RPN1: variants seen among roughly 807,000 people sequenced by gnomAD.
RPN1 encodes the protein dolichyl-diphosphooligosaccharide--protein glycosyltransferase subunit 1.
A neutral mutation model predicts 55.5 loss-of-function variants in RPN1; 12 were observed. The ratio of observed to expected loss-of-function variants is 0.22; its 90% CI spans 0.14 to 0.35. RPN1 has a LOEUF of 0.35. Among genes scored for constraint, RPN1 ranks in the 10% least tolerant of loss-of-function variants. The pLI is 1.00. For synonymous variants in RPN1, 317 were observed against 305.9 expected (o/e 1.04, Z -0.38); for missense variants, 679 against 761.3 (o/e 0.89, Z 1.27).
intron 4 of RPN1, among the ~76,000 whole-genome samples, chr3:128,630,604 A>C (rs1460029224): frequency 6.6e-6 from 1 of 152,196 alleles, no homozygotes; most frequent in Non-Finnish European, 1.5e-5. Context: ...CTTTGTTCAC[A>C]TACTGACCCC....
chr3:128,633,189 T>G lies in RPN1; in HGVS notation c.634-1032A>C, dbSNP rs568682974. The stretch of plus-strand genomic sequence containing the variant: ...AAATTGATTAAATCTTTTGAAAAAC[T>G]ACTTGGCAAAATACAGCAAGAGGTT... On this transcript the variant is annotated intron_variant, in intron 3 of 9. Coordinates refer to ENST00000296255, the MANE Select transcript of RPN1 (RefSeq NM_002950.4). Among the ~76,000 whole-genome samples, 338 of 152,144 alleles carry G rather than the reference T, an allele frequency of 2.2e-3. 3 individuals are homozygous for G. The highest frequency in any genetic ancestry group is 7.9e-3 in the African/African-American group (329 of 41,522).
At chr3:128,629,682 CTATT>C (rs1278881121) in intron 5 of RPN1, among the ~76,000 whole-genome samples, 9 of 152,090 alleles carry the variant, frequency 5.9e-5, no homozygotes, top group South Asian at 2.1e-4. Context: ...AACTCAAAAA[CTATT>C]TAAAGGAATT....
At position 128,625,542 on chromosome 3, in the gene RPN1, T is replaced by G; in HGVS notation, c.1387A>C (p.Ile463Leu). Residue 463 changes from isoleucine (I) to leucine (L), a missense_variant, in exon 8 of 10, where the codon ATC becomes CTC. By Grantham distance (5) the Ile-to-Leu change is conservative. Transcript: ENST00000296255. ...VIIYVRLDFSITKDPAAEARM... is the reference protein window; with the variant it reads ...VIIYVRLDFSLTKDPAAEARM... ...GAAGGCAGAGACGGTACCTTGGTGA[T>G]GGAGAAGTCCAGCCGAACATAGATG... 1 of 1,614,036 alleles carries G rather than the reference T, an allele frequency of 6.2e-7. No individual in the cohort carries two copies. The highest frequency in any genetic ancestry group is 8.5e-7 in the Non-Finnish European group (1 of 1,180,020).
chr3:128,622,896 CAAAA>C (rs781683983), intron 8 of RPN1, among the ~76,000 whole-genome samples: 3 of 98,048 alleles, frequency 3.1e-5, no homozygotes, highest in Non-Finnish European at 4.3e-5. Context: ...AACTCCATCT[CAAAA>C]AAAAAAAAAA....
chr3:128,635,763 C>T (rs147484620), intron 3 of RPN1, among the ~76,000 whole-genome samples: 1,896 of 147,718 alleles, frequency 0.013, 26 homozygotes, highest in Middle Eastern at 0.022. Context: ...TATATATATA[C>T]GTGTGTGTAT....
At chr3:128,629,672 A>G (rs1239491628) in intron 5 of RPN1, among the ~76,000 whole-genome samples, 1 of 152,196 alleles carries the variant, frequency 6.6e-6, no homozygotes, top group African/African-American at 2.4e-5. Context: ...TTTTTTAAAT[A>G]ACTCAAAAAC....
At chr3:128,648,694 T>C (rs1215834823) in intron 1 of RPN1, among the ~76,000 whole-genome samples, 1 of 152,122 alleles carries the variant, frequency 6.6e-6, no homozygotes, top group Non-Finnish European at 1.5e-5. Flanking sequence ...GGGATAGGAG[T>C]ACAAAATAGC....
chr3:128,638,423 G>A (rs1172819055), intron 2 of RPN1, among the ~76,000 whole-genome samples: 1 of 152,058 alleles, frequency 6.6e-6, no homozygotes. Flanking sequence ...TTACACTCTT[G>A]CTATTTATAA....
At chr3:128,632,181 T>A in intron 3 of RPN1, 24 bp from the exon 4 acceptor site, 1 of 1,612,186 alleles carries the variant, frequency 6.2e-7, no homozygotes, top group Non-Finnish European at 8.5e-7. Context: ...AACAAATAGT[T>A]CAAAGTTTTG....
At chr3:128,623,001 T>C (rs1444098777) in intron 8 of RPN1, among the ~76,000 whole-genome samples, 1 of 151,948 alleles carries the variant, frequency 6.6e-6, no homozygotes, top group Non-Finnish European at 1.5e-5. Flanking sequence ...CCTGCATATA[T>C]ATTACAGCAG....
chr3:128,635,284 T>C (rs112041943), intron 3 of RPN1, among the ~76,000 whole-genome samples: 15 of 152,044 alleles, frequency 9.9e-5, no homozygotes, highest in African/African-American at 3.6e-4. Flanking sequence ...AATGGGAGAA[T>C]TGGAAGCAAG....
At chr3:128,638,148 TA>T (rs1348652365) in intron 2 of RPN1, 43 bp from the exon 3 acceptor site, 1 of 1,480,130 alleles carries the variant, frequency 6.8e-7, no homozygotes, top group African/African-American at 1.4e-5. Context: ...AGACTGAGGA[TA>T]CTGAAAACAG....
intron 7 of RPN1, 94 bp from the exon 8 acceptor site, chr3:128,625,747 C>A (rs948563311): frequency 3.8e-6 from 6 of 1,586,678 alleles, no homozygotes; most frequent in Admixed American, 1.7e-5. Flanking sequence ...CTGCCCCACC[C>A]CAAGACCAGA....
rs914826948 is a variant in RPN1, at chr3:128,626,056, T to G, written c.1137-44A>C. The G allele has an allele frequency of 1.9e-6, 3 of 1,542,634 alleles. No individual in the cohort carries two copies. The African/African-American group carries it at 4.1e-5, about 21-fold the overall frequency. Reference sequence around the variant, plus strand: ...AAAATATAGCCTCCAACCAACTACATCAATAAACCAGATTTAGGATCAGAG... The same window carrying G: ...AAAATATAGCCTCCAACCAACTACAGCAATAAACCAGATTTAGGATCAGAG... On this transcript the variant is annotated intron_variant, in intron 6 of 9. Transcript: ENST00000296255.
chr3:128,627,675 G>GT (rs1026884720), intron 5 of RPN1, among the ~76,000 whole-genome samples: 5 of 148,726 alleles, frequency 3.4e-5, no homozygotes, highest in Non-Finnish European at 3.0e-5. Context: ...GGAAGCTGAG[G>GT]TAAGAAAATC....
chr3:128,635,690 T>TATACACACACACACAC (rs376139334), intron 3 of RPN1, among the ~76,000 whole-genome samples: 66 of 138,230 alleles, frequency 4.8e-4, no homozygotes, highest in African/African-American at 1.5e-3. Context: ...TCTATAGATA[T>TATACACACACACACAC]ACACACACAC....
rs376709384 is a variant in RPN1 at position 128,637,912 on chromosome 3, G to C, written c.520C>G (p.Arg174Gly). Reference protein sequence around the residue: ...SPYPTKTQTMRVKLASRNVES... With the variant: ...SPYPTKTQTMGVKLASRNVES... ...ACATTTCGAGAGGCAAGCTTCACACGCATGGTTTGTGTCTTCGTTGGATAG... is the reference window on the plus strand; with the variant it reads ...ACATTTCGAGAGGCAAGCTTCACACCCATGGTTTGTGTCTTCGTTGGATAG... Residue 174 changes from arginine (R) to glycine (G), a missense_variant, in exon 3 of 10, where the codon CGT becomes GGT. Around this residue, in one of 3 missense-constraint regions of RPN1, gnomAD observed 352 missense variants for 352.8 expected, o/e 1.00. Transcript: ENST00000296255. 6.2e-7 allele frequency: 1 copy of C among 1,614,072 alleles called. No homozygotes were observed.
At chr3:128,646,965 T>C (rs371963058) in intron 1 of RPN1, among the ~76,000 whole-genome samples, 42 of 151,180 alleles carry the variant, frequency 2.8e-4, no homozygotes, top group African/African-American at 8.8e-4. Context: ...AGAGTGGGAC[T>C]TCCTCTCAAA....
intron 3 of RPN1, among the ~76,000 whole-genome samples, chr3:128,634,299 G>A (rs924276389): frequency 2.0e-5 from 3 of 151,150 alleles, no homozygotes; most frequent in African/African-American, 7.3e-5. Context: ...CTACACTCCA[G>A]CCTGGGCGAG....
Sources: gnomAD v4.1 joint callset for allele counts (sites outside exome capture counted in the v4.1 genomes callset) on GRCh38, gnomAD v4.1.1 for gene constraint, gnomAD v4.1.1 regional missense constraint, MANE v1.5 for transcripts, NCBI Gene and HGNC (gene_info 2026-07-23, HGNC 2026-07-21) for gene names.